SLC12A7: variants seen among roughly 807,000 people sequenced by gnomAD.
SLC12A7 encodes K-Cl cotransporter 4.
A neutral mutation model predicts 120.6 loss-of-function variants in SLC12A7; 100 were observed. That is an observed-to-expected ratio of 0.83 (90% CI 0.71 to 0.98). SLC12A7 has a LOEUF of 0.98. Ranked by LOEUF, SLC12A7 falls within the 50% of genes least tolerant of loss-of-function variation. The probability of loss-of-function intolerance (pLI) is 0.00; values close to 1 mark genes in which losing one functional copy is unlikely to be tolerated. For missense variants in SLC12A7, 1,373 were observed against 1,548.1 expected, an observed-to-expected ratio of 0.89 and a Z score of 1.90; for synonymous variants, 760 against 678.0, an observed-to-expected ratio of 1.12 and a Z score of -1.88.
At chr5:1,098,977 C>G (rs936327233) in intron 1 of SLC12A7, among the ~76,000 whole-genome samples, 1 of 151,866 alleles carries the variant, frequency 6.6e-6, no homozygotes, top group Non-Finnish European at 1.5e-5. Context: ...TCATGATGAC[C>G]GGAAGGCTGA....
At chr5:1,122,430 T>G in the SLC12A7 span, among the ~76,000 whole-genome samples, 279 of 152,392 alleles carry the variant, frequency 1.8e-3, 6 homozygotes, top group Admixed American at 0.018. Flanking sequence ...TAAAAATGTT[T>G]GTTAGTTTTA....
chr5:1,069,210 T>C (rs1423548662), intron 17 of SLC12A7, among the ~76,000 whole-genome samples: 2 of 152,250 alleles, frequency 1.3e-5, no homozygotes, highest in Non-Finnish European at 2.9e-5. Context: ...GCCATCCACG[T>C]GGCCAACGTG....
the SLC12A7 span, among the ~76,000 whole-genome samples, chr5:1,151,407 T>C: frequency 6.6e-6 from 1 of 152,340 alleles, no homozygotes; most frequent in Middle Eastern, 3.4e-3. The surrounding 1 kb of genome is among the most constrained non-coding windows in gnomAD (Gnocchi z 6.2). Flanking sequence ...GCCCGGCCTC[T>C]GCCAGCCCCA....
At chr5:1,077,357 CAGG>C (rs1561063230) in intron 12 of SLC12A7, among the ~76,000 whole-genome samples, 1 of 152,212 alleles carries the variant, frequency 6.6e-6, no homozygotes, top group Admixed American at 6.5e-5. Flanking sequence ...GCCCAGGTAG[CAGG>C]AGGAGCCACA....
chr5:1,084,142 G>A (rs1055032098), intron 7 of SLC12A7, among the ~76,000 whole-genome samples, 186 bp from the exon 8 acceptor site: 5 of 150,922 alleles, frequency 3.3e-5, no homozygotes, highest in Admixed American at 6.6e-5. Context: ...CAGCAGGAAT[G>A]CAAGGGCCAG....
the SLC12A7 span, among the ~76,000 whole-genome samples, chr5:1,151,486 A>T: frequency 6.6e-6 from 1 of 152,136 alleles, no homozygotes; most frequent in Non-Finnish European, 1.5e-5. This position sits in a 1 kb window ranked among gnomAD's most constrained non-coding sequence, Gnocchi z 6.2. Context: ...AGGTATAATT[A>T]TGAGCGTCTG....
intron 21 of SLC12A7, 65 bp from the exon 22 acceptor site, chr5:1,057,714 G>A (rs1735775700): frequency 6.8e-7 from 1 of 1,477,364 alleles, no homozygotes; most frequent in Non-Finnish European, 9.1e-7. Context: ...GAGCGACCCG[G>A]GATGCCAGGC....
In SLC12A7 at chr5:1,076,788, C is replaced by T. The variant is rs372638882; in HGVS notation, c.1654G>A (p.Gly552Arg). Residue 552 changes from glycine (G) to arginine (R), a missense_variant, in exon 13 of 24, where the codon GGG (glycine) becomes AGG (arginine). Transcript: ENST00000264930. ...AGCAGCAGCGCCCACGTGGGCTCCC[C>T]GTTGGCCTTCCCGTGGCCAAACACC... is the stretch of plus-strand genomic sequence containing the variant. ...LQVFGHGKANGEPTWALLLTV... is the reference protein window; with the variant it reads ...LQVFGHGKANREPTWALLLTV... The T allele has an allele frequency of 2.9e-5, 46 of 1,610,324 alleles. No individual in the cohort carries two copies. The highest frequency in any genetic ancestry group is 5.5e-5 in the South Asian group (5 of 91,076).
intron 1 of SLC12A7, among the ~76,000 whole-genome samples, chr5:1,095,066 T>TGCCGGTAGGAGGCGG (rs1740988268): frequency 7.9e-6 from 1 of 125,996 alleles, no homozygotes; most frequent in Non-Finnish European, 1.7e-5. Context: ...CGGTAGGAGG[T>TGCCGGTAGGAGGCGG]GGGGCCCGTA....
the SLC12A7 span, among the ~76,000 whole-genome samples, chr5:1,132,963 T>C: frequency 3.0e-4 from 45 of 152,210 alleles, no homozygotes; most frequent in Non-Finnish European, 6.2e-4. Context: ...TAGGCTGGGG[T>C]GCAGGGGCGT....
At chr5:1,136,578 A>G in the SLC12A7 span, among the ~76,000 whole-genome samples, 12 of 110,808 alleles carry the variant, frequency 1.1e-4, no homozygotes, top group South Asian at 6.0e-4. Context: ...GCAGGCACAC[A>G]TATGCTCAGA....
At chr5:1,129,923 A>G in the SLC12A7 span, among the ~76,000 whole-genome samples, 3,969 of 151,528 alleles carry the variant, frequency 0.026, 78 homozygotes, top group Middle Eastern at 0.11. Context: ...CCATCACCTG[A>G]CTCCCAGGTG....
At chr5:1,076,289 C>CA (rs1579363321) in intron 13 of SLC12A7, 53 bp from the exon 14 acceptor site, 1 of 1,440,708 alleles carries the variant, frequency 6.9e-7, no homozygotes, top group East Asian at 2.4e-5. Flanking sequence ...CCTGAGCCCC[C>CA]AGTCACTGCC....
Position 1,111,951 on chromosome 5 carries a change from G to A in SLC12A7, c.41C>T (p.Ala14Val). The A allele has an allele frequency of 6.2e-6, 8 of 1,295,308 alleles. No individual in the cohort carries two copies. Among genetic ancestry groups the A allele is most frequent in the Non-Finnish European group, 6.9e-6 (7 of 1,021,676 alleles). 80.2% of individuals were successfully genotyped at this position (1,295,308 alleles called of 1,614,324 possible). Reference sequence around the variant, plus strand: ...GGCAGTCTCGTCCCCGCCGCCGTCGGCGTGAGCCTCCACGGGCACCACGGT... The same window carrying A: ...GGCAGTCTCGTCCCCGCCGCCGTCGACGTGAGCCTCCACGGGCACCACGGT... The part of the protein sequence containing the change: ...NFTVVPVEAH[A>V]DGGGDETAER... Residue 14 changes from alanine (A) to valine (V), a missense_variant, in exon 1 of 24, where the codon GCC (alanine) becomes GTC (valine). Transcript: ENST00000264930.
At chr5:1,141,851 C>A in the SLC12A7 span, among the ~76,000 whole-genome samples, 2 of 152,146 alleles carry the variant, frequency 1.3e-5, no homozygotes, top group South Asian at 2.1e-4. Flanking sequence ...AAATTCAGAA[C>A]AAAATGCTTA....
In SLC12A7 at chr5:1,074,623, G is replaced by A. The variant is rs746090638; in HGVS notation, c.2016C>T (p.Ala672=). The part of the protein sequence containing the change: ...GDGIRGLSLN[A]ARYALLRVEH... ...CCACGCGCAGCAGGGCGTAGCGGGC[G>A]GCGTTCAGGGATAGGCCACGGATGC... Residue 672 remains alanine (A), a synonymous_variant, in exon 16 of 24, where the codon GCC becomes GCT. Transcript: ENST00000264930. 32 of 1,612,754 alleles carry A rather than the reference G, an allele frequency of 2.0e-5. No individual in the cohort carries two copies. Among genetic ancestry groups the A allele is most frequent in the East Asian group, 1.8e-4 (8 of 44,898 alleles).
chr5:1,082,993 TCCGGGCTTC>T (rs1739376549), intron 8 of SLC12A7, among the ~76,000 whole-genome samples: 1 of 124,696 alleles, frequency 8.0e-6, no homozygotes, highest in African/African-American at 3.0e-5. Flanking sequence ...TTCTGGAAAG[TCCGGGCTTC>T]CCATCTCAGG....
chr5:1,139,791 G>A, the SLC12A7 span, among the ~76,000 whole-genome samples: 13 of 152,190 alleles, frequency 8.5e-5, no homozygotes, highest in Admixed American at 4.6e-4. Flanking sequence ...TCTGGTTCCC[G>A]AGCCCCACTT....
the SLC12A7 span, among the ~76,000 whole-genome samples, chr5:1,151,413 C>T: frequency 3.3e-5 from 5 of 152,234 alleles, no homozygotes; most frequent in African/African-American, 4.8e-5. The surrounding 1 kb of genome is among the most constrained non-coding windows in gnomAD (Gnocchi z 6.2). Context: ...CCTCTGCCAG[C>T]CCCAGCACTA....
Sources: allele counts gnomAD v4.1 joint callset (sites outside exome capture counted in the v4.1 genomes callset), GRCh38; gene constraint gnomAD v4.1.1; non-coding constraint Gnocchi (gnomAD v3.1); transcripts MANE v1.5; gene names NCBI Gene and HGNC (gene_info 2026-07-23, HGNC 2026-07-21).